The following BCKDHB variants were observed in gnomAD, a reference collection of about 807,000 sequenced individuals.
BCKDHB encodes the protein branched chain keto acid dehydrogenase E1 subunit beta.
BCKDHB carries 41 observed loss-of-function variants against 48.5 expected under a neutral mutation model. That is an observed-to-expected ratio of 0.85 (90% confidence interval 0.66 to 1.10). The LOEUF (loss-of-function observed/expected upper bound fraction) is 1.10. Ranked by LOEUF, BCKDHB falls within the 50% of genes least tolerant of loss-of-function variation. BCKDHB has a pLI of 0.00. For missense variants in BCKDHB, 496 were observed against 494.2 expected (o/e 1.00, Z -0.03); for synonymous variants, 201 against 174.8 (o/e 1.15, Z -1.18).
chr6:80,202,264 A>T (rs559280720), intron 7 of BCKDHB, among the ~76,000 whole-genome samples: 97 of 152,046 alleles, frequency 6.4e-4, no homozygotes, highest in African/African-American at 2.2e-3. Context: ...ACTGCGTTCC[A>T]TTTTACCTTC....
chr6:80,384,275 C>A, the BCKDHB span, among the ~76,000 whole-genome samples: 12 of 152,086 alleles, frequency 7.9e-5, no homozygotes, highest in Admixed American at 7.2e-4. Context: ...GCCTCCCAGC[C>A]CACAGGTTTC....
At chr6:80,203,039 C>T in intron 7 of BCKDHB, 63 bp from the exon 8 acceptor site, 1 of 1,059,858 alleles carries the variant, frequency 9.4e-7, no homozygotes, top group Non-Finnish European at 1.5e-6. Flanking sequence ...CATCAGCATT[C>T]AACTAGTTTT....
rs1440136169 is a variant in BCKDHB, at chr6:80,140,458, A to G, written c.343+11229A>G. 3.3e-5 allele frequency among the ~76,000 whole-genome samples: 5 copies of G among 152,090 alleles called. No individual in the cohort carries two copies. The East Asian group carries it at 5.8e-4, about 18-fold the overall frequency. Reference sequence around the variant, plus strand: ...TGTGGGTTTGTCATCGATAGCTCTTATTATTTTGAGATACGTCCCATGAAT... The same window carrying G: ...TGTGGGTTTGTCATCGATAGCTCTTGTTATTTTGAGATACGTCCCATGAAT... On this transcript the variant is annotated intron_variant, in intron 3 of 9. Coordinates refer to ENST00000320393, the MANE Select transcript of BCKDHB (RefSeq NM_183050.4).
chr6:80,428,580 G>C, the BCKDHB span, among the ~76,000 whole-genome samples: 1 of 152,220 alleles, frequency 6.6e-6, no homozygotes, highest in Non-Finnish European at 1.5e-5. Flanking sequence ...GGTGTGAAAT[G>C]GTATCTCATT....
the BCKDHB span, among the ~76,000 whole-genome samples, chr6:80,400,165 G>A: frequency 6.6e-6 from 1 of 151,914 alleles, no homozygotes; most frequent in South Asian, 2.1e-4. Context: ...CTGAACACAG[G>A]AATGGGCAAA....
chr6:80,175,271 A>G (rs1773097693), intron 6 of BCKDHB, among the ~76,000 whole-genome samples: 1 of 152,124 alleles, frequency 6.6e-6, no homozygotes. Context: ...CACACATTAA[A>G]TTTCGCTTCC....
the BCKDHB span, among the ~76,000 whole-genome samples, chr6:80,378,149 T>A: frequency 6.6e-6 from 1 of 152,224 alleles, no homozygotes; most frequent in Admixed American, 6.5e-5. Flanking sequence ...GTTACATGGG[T>A]ACTATGTGCA....
intron 8 of BCKDHB, among the ~76,000 whole-genome samples, chr6:80,240,774 C>G (rs1377660766): frequency 6.6e-6 from 1 of 152,100 alleles, no homozygotes; most frequent in Non-Finnish European, 1.5e-5. Flanking sequence ...CCAGTTTTTG[C>G]CCATTTAGTA....
chr6:80,373,814 AG>A, the BCKDHB span, among the ~76,000 whole-genome samples: 6 of 152,138 alleles, frequency 3.9e-5, no homozygotes, highest in African/African-American at 1.4e-4. Context: ...GTCTGATACA[AG>A]AATAGCTACT....
intron 8 of BCKDHB, among the ~76,000 whole-genome samples, chr6:80,209,367 T>C (rs1384520633): frequency 4.6e-5 from 7 of 151,866 alleles, no homozygotes; most frequent in Non-Finnish European, 7.4e-5. Flanking sequence ...GTTAGTGGAT[T>C]GTAAGGCCAA....
intron 3 of BCKDHB, among the ~76,000 whole-genome samples, chr6:80,155,686 A>T (rs1336905153): frequency 6.6e-6 from 1 of 152,080 alleles, no homozygotes; most frequent in African/African-American, 2.4e-5. Flanking sequence ...CTTAAAGAAC[A>T]CGTTTTTACC....
chr6:80,316,712 G>A (rs1360011195), intron 9 of BCKDHB, among the ~76,000 whole-genome samples: 1 of 152,178 alleles, frequency 6.6e-6, no homozygotes, highest in Non-Finnish European at 1.5e-5. Context: ...GATCTCATTT[G>A]TTTTACTCTC....
At chr6:80,341,929 T>C (rs888079109) in intron 9 of BCKDHB, among the ~76,000 whole-genome samples, 4 of 152,186 alleles carry the variant, frequency 2.6e-5, no homozygotes, top group African/African-American at 7.2e-5. Context: ...TTCAGCTTAT[T>C]AGTAGTGGAA....
At chr6:80,139,706 G>T (rs1367695021) in intron 3 of BCKDHB, among the ~76,000 whole-genome samples, 24 of 152,072 alleles carry the variant, frequency 1.6e-4, no homozygotes, top group Admixed American at 1.6e-3. Context: ...GGTTACTGTA[G>T]CCTTGTAGTA....
At chr6:80,266,119 G>C (rs1777503688) in intron 8 of BCKDHB, among the ~76,000 whole-genome samples, 1 of 152,082 alleles carries the variant, frequency 6.6e-6, no homozygotes, top group African/African-American at 2.4e-5. Context: ...CTTTGTAGTA[G>C]ACCTTTTCAA....
chr6:80,405,153 T>A, the BCKDHB span, among the ~76,000 whole-genome samples: 1 of 152,170 alleles, frequency 6.6e-6, no homozygotes, highest in Non-Finnish European at 1.5e-5. Context: ...CCCCTACTAT[T>A]ATTGTATTGC....
At chr6:80,249,913 C>A (rs1252901753) in intron 8 of BCKDHB, among the ~76,000 whole-genome samples, 1 of 152,144 alleles carries the variant, frequency 6.6e-6, no homozygotes, top group Non-Finnish European at 1.5e-5. Context: ...TTGTTGTAAG[C>A]ACCTGCCTGT....
intron 8 of BCKDHB, among the ~76,000 whole-genome samples, chr6:80,263,307 C>G (rs1046558311): frequency 6.6e-6 from 1 of 152,118 alleles, no homozygotes; most frequent in Non-Finnish European, 1.5e-5. Flanking sequence ...AGTACTATTT[C>G]TGCTAAAGAA....
intron 9 of BCKDHB, among the ~76,000 whole-genome samples, chr6:80,320,305 G>A (rs1768655309): frequency 6.6e-6 from 1 of 152,120 alleles, no homozygotes; most frequent in Non-Finnish European, 1.5e-5. Flanking sequence ...TATTTCACCT[G>A]TTGGTTACAG....
Sources: allele counts gnomAD v4.1 joint callset (sites outside exome capture counted in the v4.1 genomes callset), GRCh38; gene constraint gnomAD v4.1.1; transcripts MANE v1.5; gene names NCBI Gene and HGNC (gene_info 2026-07-23, HGNC 2026-07-21).